KLF8: variants seen among roughly 807,000 people sequenced by gnomAD.
The protein encoded by KLF8 is Krueppel-like factor 8.
In KLF8, 10 loss-of-function variants were observed where a neutral mutation model predicts 18.2. The ratio of observed to expected loss-of-function variants is 0.55; its 90% CI spans 0.34 to 0.93. The LOEUF (loss-of-function observed/expected upper bound fraction) is 0.93. Ranked by LOEUF, KLF8 falls within the 40% of genes least tolerant of loss-of-function variation. The probability of loss-of-function intolerance (pLI) is 0.02; values close to 1 mark genes in which losing one functional copy is unlikely to be tolerated. For synonymous variants in KLF8, 109 were observed against 97.3 expected (o/e 1.12, Z -0.71); for missense variants, 264 against 277.9 (o/e 0.95, Z 0.36).
At chrX:55,936,821 G>A in the KLF8 span, among the ~76,000 whole-genome samples, 2 of 103,317 alleles carry the variant, frequency 1.9e-5, no homozygotes, top group Non-Finnish European at 2.0e-5. Context: ...CGGCAGTGAG[G>A]CTGGGGGAGG....
chrX:56,269,621 G>A (rs2067025205), intron 4 of KLF8, 132 bp downstream of exon 4: 1 of 1,000,931 alleles, frequency 1.0e-6, no homozygotes, highest in Non-Finnish European at 1.3e-6. Context: ...AGAAATATAG[G>A]GAGACTGCCT....
chrX:56,113,589 C>CA, the KLF8 span, among the ~76,000 whole-genome samples: 1 of 41,105 alleles, frequency 2.4e-5, no homozygotes, highest in Non-Finnish European at 4.3e-5. Context: ...GATGTCTAGA[C>CA]AAAAAAATTA....
At chrX:56,221,711 C>T in the KLF8 span, among the ~76,000 whole-genome samples, 1 of 111,332 alleles carries the variant, frequency 9.0e-6, no homozygotes, top group African/African-American at 3.3e-5. Context: ...CGCTGGCTTC[C>T]GTAGTGAAGC....
the KLF8 span, among the ~76,000 whole-genome samples, chrX:56,164,727 CTCTTT>C: frequency 9.2e-5 from 2 of 21,688 alleles, no homozygotes; most frequent in African/African-American, 4.7e-4. Context: ...TTCTTGTTAT[CTCTTT>C]TTTTTTTTTT....
chrX:55,971,550 A>G, the KLF8 span, among the ~76,000 whole-genome samples: 5 of 110,994 alleles, frequency 4.5e-5, no homozygotes, highest in African/African-American at 1.6e-4. Context: ...CTAAAACAAA[A>G]ATGGAAAAAT....
the KLF8 span, among the ~76,000 whole-genome samples, chrX:56,163,712 C>T: frequency 8.9e-6 from 1 of 111,772 alleles, no homozygotes; most frequent in African/African-American, 3.3e-5. Flanking sequence ...GGTTGTCTTC[C>T]AGGGTTTCTA....
At chrX:55,973,550 C>T in the KLF8 span, among the ~76,000 whole-genome samples, 2 of 111,651 alleles carry the variant, frequency 1.8e-5, no homozygotes, top group Non-Finnish European at 1.9e-5. Flanking sequence ...GAACAGATAC[C>T]TCTCAAAAGA....
At chrX:56,172,281 G>C in the KLF8 span, among the ~76,000 whole-genome samples, 6 of 110,137 alleles carry the variant, frequency 5.4e-5, no homozygotes, top group African/African-American at 1.7e-4. Flanking sequence ...AACAGGCCCC[G>C]GTATGTGATG....
chrX:56,197,566 T>C, the KLF8 span, among the ~76,000 whole-genome samples: 1 of 111,431 alleles, frequency 9.0e-6, no homozygotes, highest in Non-Finnish European at 1.9e-5. Context: ...AATAGACCAA[T>C]AACAAGCTCT....
At chrX:56,003,883 C>A in the KLF8 span, among the ~76,000 whole-genome samples, 11 of 112,138 alleles carry the variant, frequency 9.8e-5, no homozygotes, top group African/African-American at 3.2e-4. Context: ...TTTTCCGTGA[C>A]ACAAAGTGAG....
the KLF8 span, among the ~76,000 whole-genome samples, chrX:55,984,068 A>G: frequency 9.2e-6 from 1 of 108,807 alleles, no homozygotes; most frequent in Non-Finnish European, 1.9e-5. Context: ...TATATAATCT[A>G]TGGTATATGT....
chrX:56,223,087 C>T, the KLF8 span, among the ~76,000 whole-genome samples: 3 of 113,133 alleles, frequency 2.7e-5, no homozygotes, highest in Admixed American at 9.2e-5. Flanking sequence ...GCCAGGGCTG[C>T]GAGGGCTGCC....
At chrX:56,005,263 T>C in the KLF8 span, among the ~76,000 whole-genome samples, 1 of 110,791 alleles carries the variant, frequency 9.0e-6, no homozygotes, top group African/African-American at 3.3e-5. Context: ...TCTTCTGCAC[T>C]GTAGGCACCA....
the KLF8 span, among the ~76,000 whole-genome samples, chrX:56,164,885 A>G: frequency 2.0e-4 from 16 of 79,984 alleles, no homozygotes; most frequent in Admixed American, 1.4e-3. Context: ...TATATCTCCC[A>G]ATGCTATCCC....
At chrX:56,190,380 C>T in the KLF8 span, among the ~76,000 whole-genome samples, 1 of 111,572 alleles carries the variant, frequency 9.0e-6, no homozygotes. Flanking sequence ...ACAATTAGAG[C>T]TGGAGACTCC....
the KLF8 span, among the ~76,000 whole-genome samples, chrX:56,137,650 C>G: frequency 9.6e-6 from 1 of 103,800 alleles, no homozygotes; most frequent in African/African-American, 3.6e-5. Flanking sequence ...ATACCTAATG[C>G]TAGATGATGA....
At chrX:55,921,671 T>C in the KLF8 span, among the ~76,000 whole-genome samples, 1 of 111,452 alleles carries the variant, frequency 9.0e-6, no homozygotes. Flanking sequence ...CTCATCAGAG[T>C]GAAGAGACAA....
At chrX:55,961,876 A>G in the KLF8 span, 4 of 225,731 alleles carry the variant, frequency 1.8e-5, no homozygotes, top group Admixed American at 2.2e-4. Context: ...GTGAAAAGAA[A>G]TAGCAACAGT....
chrX:56,228,153 G>C (rs1416392788), upstream of KLF8, among the ~76,000 whole-genome samples: 2 of 112,304 alleles, frequency 1.8e-5, no homozygotes, highest in Non-Finnish European at 3.8e-5. Context: ...ACATACAGTG[G>C]CAAGGGTTAT....
Sources: gnomAD v4.1 joint callset for allele counts (sites outside exome capture counted in the v4.1 genomes callset) on GRCh38, gnomAD v4.1.1 for gene constraint, MANE v1.5 for transcripts, NCBI Gene and HGNC (gene_info 2026-07-23, HGNC 2026-07-21) for gene names.